The following ZDHHC20 variants were observed in gnomAD, a reference collection of about 807,000 sequenced individuals.
ZDHHC20 encodes palmitoyltransferase ZDHHC20.
A neutral mutation model predicts 57.8 loss-of-function variants in ZDHHC20; 43 were observed. The ratio of observed to expected loss-of-function variants is 0.74; its 90% CI spans 0.58 to 0.96. The LOEUF (loss-of-function observed/expected upper bound fraction) is 0.96, where lower values mean the gene tolerates loss of function less well. Among genes scored for constraint, ZDHHC20 ranks in the 40% least tolerant of loss-of-function variants. ZDHHC20 has a pLI of 0.00. For synonymous variants in ZDHHC20, 157 were observed against 153.0 expected (o/e 1.03, Z -0.19); for missense variants, 391 against 441.1 (o/e 0.89, Z 1.02).
At position 21,381,463 on chromosome 13, in the gene ZDHHC20, T is replaced by C. The variant is rs778031938; in HGVS notation, c.1031A>G (p.Asn344Ser). The C allele has an allele frequency of 2.5e-5, 41 of 1,613,942 alleles. No homozygotes were observed. The African/African-American group carries it at 5.1e-4, about 20-fold the overall frequency. Residue 344 changes from asparagine (N) to serine (S), a missense_variant, in exon 11 of 13, where the codon AAT (asparagine) becomes AGT (serine). By Grantham distance (46) the Asn-to-Ser change is conservative (BLOSUM62 1). Transcript: ENST00000400590. ...TTTGACGATGCCTTCTTCAGCTCCA[T>C]TCTCCAGCCACTGAGATTCACTGTC... ...LLDSESQWLE[N>S]GAEEGIVKSG...
rs533716301 is a variant in ZDHHC20 at position 21,400,303 on chromosome 13, A to G, written c.594+70T>C. 66 of 1,399,130 alleles carry G rather than the reference A, an allele frequency of 4.7e-5. No individual in the cohort carries two copies. In the South Asian group the frequency reaches 9.3e-4, roughly 20 times the overall value. The allele number at this position is 1,399,130 out of a possible 1,614,324, so 86.7% of individuals were successfully genotyped here. On this transcript the variant is annotated intron_variant, in intron 7 of 12. Transcript: ENST00000400590. ...GTATATCTACTTGTCATAAAAAATA[A>G]AGTAATTTATTAGGAAGATAGCATC...
chr13:21,422,711 C>T (rs533407562), intron 2 of ZDHHC20, among the ~76,000 whole-genome samples: 5 of 152,278 alleles, frequency 3.3e-5, no homozygotes, highest in Admixed American at 2.0e-4. Flanking sequence ...TTGTTGCCTA[C>T]GTTCTTTGGA....
chr13:21,432,870 T>C (rs1375783095), intron 1 of ZDHHC20, among the ~76,000 whole-genome samples: 2 of 152,240 alleles, frequency 1.3e-5, no homozygotes, highest in African/African-American at 4.8e-5. Flanking sequence ...ACAGTGTTAG[T>C]TGAAATAACT....
intron 3 of ZDHHC20, among the ~76,000 whole-genome samples, chr13:21,419,783 T>C (rs9509691): frequency 0.17 from 26,340 of 152,208 alleles, 2,819 homozygotes; most frequent in Non-Finnish European, 0.25. Flanking sequence ...GTTTCTTGAA[T>C]TGGGTGGTAG....
chr13:21,433,794 T>C (rs186462838), intron 1 of ZDHHC20, among the ~76,000 whole-genome samples: 1 of 152,344 alleles, frequency 6.6e-6, no homozygotes, highest in Admixed American at 6.5e-5. Context: ...GACCATGGCG[T>C]AGCTCTCCAT....
chr13:21,458,609 T>A (rs971346808), intron 1 of ZDHHC20, among the ~76,000 whole-genome samples: 23 of 152,136 alleles, frequency 1.5e-4, no homozygotes, highest in African/African-American at 5.3e-4. Flanking sequence ...GTAACAGGCG[T>A]TTCTTCTCGC....
At chr13:21,416,729 G>C (rs903794360) in intron 3 of ZDHHC20, among the ~76,000 whole-genome samples, 29 of 152,192 alleles carry the variant, frequency 1.9e-4, no homozygotes, top group South Asian at 2.1e-4. Flanking sequence ...CAGGAAGACA[G>C]AGAAGAAAAG....
Position 21,405,374 on chromosome 13 carries a change from CT to C in ZDHHC20, c.371-2509del, listed in dbSNP as rs567849203. ...AATAGAGAGCTACCGCTTTAGAAAT[CT>C]AGCTCAGCTATTTTTTTCCCTCTAG... On this transcript the variant is annotated intron_variant, in intron 4 of 12. Transcript: ENST00000400590. 2.8e-3 allele frequency among the ~76,000 whole-genome samples: 431 copies of C among 152,256 alleles called. 1 individual carries two copies. Among genetic ancestry groups the C allele is most frequent in the Middle Eastern group, 6.8e-3 (2 of 294 alleles).
At chr13:21,400,300 ATAAAG>A (rs906291693) in intron 7 of ZDHHC20, 68 bp downstream of exon 7, 69 of 1,389,058 alleles carry the variant, frequency 5.0e-5, no homozygotes, top group South Asian at 3.0e-4. Context: ...GTCATAAAAA[ATAAAG>A]TAATTTATTA....
intron 1 of ZDHHC20, among the ~76,000 whole-genome samples, chr13:21,428,892 AAACAAC>A (rs1227806425): frequency 6.6e-6 from 1 of 152,006 alleles, no homozygotes; most frequent in Non-Finnish European, 1.5e-5. Flanking sequence ...CAAAAGAACA[AAACAAC>A]AACAAAAAAA....
intron 8 of ZDHHC20, among the ~76,000 whole-genome samples, chr13:21,389,433 A>T (rs191438625): frequency 1.3e-5 from 2 of 152,364 alleles, no homozygotes; most frequent in Non-Finnish European, 2.9e-5. Flanking sequence ...AAAAGAAAAT[A>T]TCAGAATATA....
chr13:21,398,589 T>C (rs528656807), intron 7 of ZDHHC20, among the ~76,000 whole-genome samples: 16 of 152,304 alleles, frequency 1.1e-4, no homozygotes, highest in East Asian at 5.8e-4. Context: ...CTCATTTTTT[T>C]CCCCTAGTAT....
chr13:21,383,066 A>T, intron 9 of ZDHHC20, 57 bp from the exon 10 acceptor site: 1 of 1,413,198 alleles, frequency 7.1e-7, no homozygotes, highest in Non-Finnish European at 9.8e-7. Flanking sequence ...CAAAATGGTC[A>T]AATTTAACAC....
chr13:21,385,374 A>G (rs1258674561), intron 9 of ZDHHC20, among the ~76,000 whole-genome samples: 1 of 152,212 alleles, frequency 6.6e-6, no homozygotes, highest in East Asian at 1.9e-4. Flanking sequence ...GGTTGCAGTG[A>G]GCCTAGATCG....
chr13:21,393,363 T>C, intron 7 of ZDHHC20, among the ~76,000 whole-genome samples: 1 of 151,386 alleles, frequency 6.6e-6, no homozygotes, highest in Non-Finnish European at 1.5e-5. Context: ...TAGCCGGGCA[T>C]GGTGGTACAC....
chr13:21,448,337 C>A (rs1397412611), intron 1 of ZDHHC20, among the ~76,000 whole-genome samples: 8 of 90,408 alleles, frequency 8.8e-5, no homozygotes, highest in African/African-American at 1.5e-4. Flanking sequence ...CAGCCCCCCG[C>A]CCGGCCAGCC....
intron 8 of ZDHHC20, 67 bp downstream of exon 8, chr13:21,391,655 T>C (rs1471128491): frequency 1.3e-6 from 2 of 1,505,314 alleles, no homozygotes; most frequent in Non-Finnish European, 1.8e-6. Flanking sequence ...CCCTTGTTCT[T>C]CTCTAGATTT....
At chr13:21,400,615 G>A (rs533935432) in intron 6 of ZDHHC20, 122 bp from the exon 7 acceptor site, 47 of 965,960 alleles carry the variant, frequency 4.9e-5, no homozygotes, top group South Asian at 3.2e-4. Flanking sequence ...TTTTTAATGC[G>A]AATAAAATTT....
At chr13:21,378,759 A>G in intron 11 of ZDHHC20, 21 bp from the exon 12 acceptor site, 1 of 1,091,748 alleles carries the variant, frequency 9.2e-7, no homozygotes, top group Non-Finnish European at 1.2e-6. Context: ...ATAATTATAT[A>G]TGACATGACA....
Sources: gnomAD v4.1 joint callset for allele counts (sites outside exome capture counted in the v4.1 genomes callset) on GRCh38, gnomAD v4.1.1 for gene constraint, MANE v1.5 for transcripts, NCBI Gene and HGNC (gene_info 2026-07-23, HGNC 2026-07-21) for gene names.